Variants in PPP1R16B observed in about 807,000 individuals in gnomAD.
PPP1R16B encodes the protein protein phosphatase 1 regulatory inhibitor subunit 16B.
A neutral mutation model predicts 61.7 loss-of-function variants in PPP1R16B; 14 were observed. The observed-to-expected ratio is 0.23, with a 90% CI of 0.15 to 0.35. The LOEUF is 0.35. Among genes scored for constraint, PPP1R16B ranks in the 10% least tolerant of loss-of-function variants. The probability of loss-of-function intolerance (pLI) is 1.00; values close to 1 mark genes in which losing one functional copy is unlikely to be tolerated. For missense variants in PPP1R16B, 547 were observed against 752.5 expected (o/e 0.73, Z 3.19); for synonymous variants, 266 against 305.3 (o/e 0.87, Z 1.34).
intron 3 of PPP1R16B, among the ~76,000 whole-genome samples, chr20:38,892,009 C>T (rs1322082186): frequency 2.0e-5 from 3 of 152,162 alleles, no homozygotes; most frequent in Non-Finnish European, 4.4e-5. Flanking sequence ...TTTAATTTTA[C>T]TGGATTTAAA....
intron 2 of PPP1R16B, among the ~76,000 whole-genome samples, chr20:38,869,555 C>G (rs916030501): frequency 6.2e-4 from 95 of 152,298 alleles, no homozygotes; most frequent in Admixed American, 6.1e-3. Flanking sequence ...TCCAGTTTCT[C>G]CACATGCTTA....
At chr20:38,861,256 T>C (rs1480310472) in intron 2 of PPP1R16B, among the ~76,000 whole-genome samples, 1 of 152,198 alleles carries the variant, frequency 6.6e-6, no homozygotes, top group Non-Finnish European at 1.5e-5. Context: ...GGTGGGATGT[T>C]GGCCCCCACC....
intron 10 of PPP1R16B, among the ~76,000 whole-genome samples, chr20:38,914,894 T>C (rs2085520904): frequency 6.6e-6 from 1 of 152,130 alleles, no homozygotes; most frequent in South Asian, 2.1e-4. Flanking sequence ...TCTCCAACTC[T>C]TAGGCTGAAG....
At chr20:38,854,381 C>A (rs2084989541) in intron 2 of PPP1R16B, among the ~76,000 whole-genome samples, 1 of 152,136 alleles carries the variant, frequency 6.6e-6, no homozygotes, top group Non-Finnish European at 1.5e-5. Flanking sequence ...TTATGTTGAA[C>A]CTTCAATAAT....
At chr20:38,856,877 G>A (rs957609382) in intron 2 of PPP1R16B, among the ~76,000 whole-genome samples, 9 of 152,156 alleles carry the variant, frequency 5.9e-5, no homozygotes, top group Non-Finnish European at 4.4e-5. Context: ...ACTTCTACAT[G>A]GAGCATTTCT....
Position 38,827,232 on chromosome 20 carries a change from C to T in PPP1R16B, c.-101-8593C>T, listed in dbSNP as rs138674553. ...GCCCTCCAGAGGCCTGGAACAAAGC[C>T]GATCCTTTTTTGTTGCCTTTTGTTA... On this transcript the variant is annotated intron_variant, in intron 1 of 10. Coordinates refer to ENST00000299824, the MANE Select transcript of PPP1R16B (RefSeq NM_015568.4). 9.5e-4 allele frequency among the ~76,000 whole-genome samples: 144 copies of T among 152,308 alleles called. 1 individual carries two copies. The highest frequency in any genetic ancestry group is 3.3e-3 in the African/African-American group (136 of 41,564).
intron 1 of PPP1R16B, among the ~76,000 whole-genome samples, chr20:38,813,148 A>T (rs1406259410): frequency 6.6e-6 from 1 of 152,214 alleles, no homozygotes; most frequent in African/African-American, 2.4e-5. Flanking sequence ...TTGCGGAGTC[A>T]CAGATGTTCA....
At chr20:38,860,238 G>T (rs2085039025) in intron 2 of PPP1R16B, among the ~76,000 whole-genome samples, 1 of 152,124 alleles carries the variant, frequency 6.6e-6, no homozygotes, top group African/African-American at 2.4e-5. Flanking sequence ...ATAGTGCTGG[G>T]ATTAAAGGCA....
chr20:38,888,720 C>T (rs920199838), intron 2 of PPP1R16B, among the ~76,000 whole-genome samples: 6 of 151,942 alleles, frequency 3.9e-5, no homozygotes, highest in African/African-American at 1.5e-4. Context: ...TCCCTTTGCA[C>T]GTGGGTTCAG....
chr20:38,906,127 C>T (rs374167199), intron 7 of PPP1R16B, 33 bp downstream of exon 7: 131 of 1,601,438 alleles, frequency 8.2e-5, no homozygotes, highest in Admixed American at 2.4e-4. Flanking sequence ...TGGGGGAGGC[C>T]GGCACAGGGC....
chr20:38,838,258 C>T (rs41282838), intron 2 of PPP1R16B: 7,036 of 152,542 alleles, frequency 0.046, 172 homozygotes, highest in Non-Finnish European at 0.06. Context: ...AATAAGCCTT[C>T]CTGGCTGTCC....
In PPP1R16B at chr20:38,836,261, TG is replaced by T. The variant is rs1274092934; in HGVS notation, c.250+89del. 2.0e-6 allele frequency: 3 copies of T among 1,518,866 alleles called. No homozygotes were observed. The African/African-American group carries it at 4.1e-5, about 21-fold the overall frequency. 94.1% of individuals were successfully genotyped at this position (1,518,866 alleles called of 1,614,324 possible). On this transcript the variant is annotated intron_variant, in intron 2 of 10. Transcript: ENST00000299824. ...ATCCAGGTTCTGTGCAGTAGACGTG[TG>T]GGCAAGGCAGGTCTGCAGACCCACT...
chr20:38,860,100 A>C (rs547536765), intron 2 of PPP1R16B, among the ~76,000 whole-genome samples: 77 of 152,282 alleles, frequency 5.1e-4, no homozygotes, highest in Non-Finnish European at 8.7e-4. Context: ...CAGTCTCCCA[A>C]GTAGCTGTGA....
chr20:38,877,012 CTT>C (rs1181849713), intron 2 of PPP1R16B, among the ~76,000 whole-genome samples: 1 of 152,110 alleles, frequency 6.6e-6, no homozygotes, highest in East Asian at 1.9e-4. Context: ...AGTTTTGACT[CTT>C]TGTTTTTCCA....
intron 2 of PPP1R16B, among the ~76,000 whole-genome samples, chr20:38,837,759 C>A (rs910886638): frequency 2.0e-5 from 3 of 151,990 alleles, no homozygotes; most frequent in African/African-American, 7.3e-5. Flanking sequence ...TGTTGGCCAA[C>A]CTGGTCTTGA....
intron 2 of PPP1R16B, chr20:38,838,548 G>C (rs1454946148): frequency 6.6e-6 from 1 of 152,342 alleles, no homozygotes; most frequent in Non-Finnish European, 1.5e-5. Flanking sequence ...GGAATCTTGG[G>C]CTTGGGGACA....
At chr20:38,885,824 G>A (rs1453347991) in intron 2 of PPP1R16B, among the ~76,000 whole-genome samples, 3 of 152,146 alleles carry the variant, frequency 2.0e-5, no homozygotes, top group African/African-American at 7.2e-5. Flanking sequence ...CGCCCAGGCT[G>A]GAGTGCAATG....
At chr20:38,829,544 C>T (rs964383156) in intron 1 of PPP1R16B, among the ~76,000 whole-genome samples, 3 of 152,178 alleles carry the variant, frequency 2.0e-5, no homozygotes, top group Admixed American at 6.5e-5. Flanking sequence ...TGGGGATCCC[C>T]TTTAAGTCTT....
At chr20:38,893,708 G>A (rs1014832943) in intron 3 of PPP1R16B, among the ~76,000 whole-genome samples, 1 of 151,906 alleles carries the variant, frequency 6.6e-6, no homozygotes, top group Non-Finnish European at 1.5e-5. Flanking sequence ...CCTGCACCCA[G>A]CCCCCAACGC....
Sources: gnomAD v4.1 joint callset for allele counts (sites outside exome capture counted in the v4.1 genomes callset) on GRCh38, gnomAD v4.1.1 for gene constraint, MANE v1.5 for transcripts, NCBI Gene and HGNC (gene_info 2026-07-23, HGNC 2026-07-21) for gene names.